Variants in SLC22A2 observed in about 807,000 individuals in gnomAD.
SLC22A2 encodes organic cation transporter 2.
A neutral mutation model predicts 60.5 loss-of-function variants in SLC22A2; 46 were observed. That is an observed-to-expected ratio of 0.76 (90% CI 0.60 to 0.97). SLC22A2 has a LOEUF of 0.97. Ranked by LOEUF, SLC22A2 falls within the 50% of genes least tolerant of loss-of-function variation. The probability of loss-of-function intolerance (pLI) is 0.00; values close to 1 mark genes in which losing one functional copy is unlikely to be tolerated. For synonymous variants in SLC22A2, 303 were observed against 267.0 expected (o/e 1.13, Z -1.31); for missense variants, 701 against 706.6 (o/e 0.99, Z 0.09).
At chr6:160,231,598 C>A (rs994891015) in intron 9 of SLC22A2, among the ~76,000 whole-genome samples, 4 of 151,904 alleles carry the variant, frequency 2.6e-5, no homozygotes, top group African/African-American at 9.7e-5. Context: ...CTTACCTGTC[C>A]TAAAACCAGA....
rs1273280934 is a variant in SLC22A2, at chr6:160,249,273, C to T, written c.785G>A (p.Trp262Ter). 6 of 1,613,130 alleles carry T rather than the reference C, an allele frequency of 3.7e-6. No individual in the cohort carries two copies. In the South Asian group the frequency reaches 4.4e-5, roughly 12 times the overall value. ...LAGVAYALPH[W>*]RWLQFTVSLP... ...AGAAACTGTGAACTGCAACCACCTC[C>T]AGTGAGGAAGTGCGTAAGCCACCCC... is the stretch of plus-strand genomic sequence containing the variant. The change falls in exon 4 of 11, where the codon TGG (tryptophan) becomes TAG (stop). Residue 262 changes from tryptophan (W) to a stop codon, truncating the protein, a stop_gained. Coordinates refer to ENST00000366953, the MANE Select transcript of SLC22A2 (RefSeq NM_003058.4). LOFTEE classifies it high-confidence loss of function.
rs1237311581 is a variant in SLC22A2 at position 160,250,540 on chromosome 6, A to G, written c.673+8T>C. ...TGTTCTCACAGTTGCAAGCACAAAC[A>G]TTCTTACTCAGGATGTAGCCTATTA... is the stretch of plus-strand genomic sequence containing the variant. On this transcript the variant is annotated splice_region_variant and intron_variant, in intron 3 of 10. Transcript: ENST00000366953. 1.9e-6 allele frequency: 3 copies of G among 1,613,962 alleles called. No individual in the cohort carries two copies. The highest frequency in any genetic ancestry group is 1.7e-6 in the Non-Finnish European group (2 of 1,179,856).
In SLC22A2 at chr6:160,216,816, C is replaced by G. The variant is rs974143122; in HGVS notation, c.*616G>C. The G allele has an allele frequency of 6.6e-6, 1 of 152,062 alleles. No homozygotes were observed. The highest frequency in any genetic ancestry group is 1.5e-5 in the Non-Finnish European group (1 of 68,018). The allele number at this position is 152,062 out of a possible 1,614,324, so 9.4% of individuals were successfully genotyped here. A position where few individuals can be genotyped will look rare whatever the true frequency, so the allele number is the denominator to read the frequency against. On this transcript the variant is annotated 3_prime_UTR_variant, in exon 11 of 11. Coordinates refer to ENST00000366953, the MANE Select transcript of SLC22A2 (RefSeq NM_003058.4). The stretch of plus-strand genomic sequence containing the variant: ...CTCAAGGTCTTTTGTAGAAAATACA[C>G]ATTCATGCTTACCCAATCTAAATAT...
At position 160,247,316 on chromosome 6, in the gene SLC22A2, C is replaced by T. The variant is rs529076568; in HGVS notation, c.843-18G>A. 4.1e-5 allele frequency: 53 copies of T among 1,302,890 alleles called. No homozygotes were observed. Among genetic ancestry groups the T allele is most frequent in the Admixed American group, 1.0e-4 (6 of 59,480 alleles). 80.7% of individuals were successfully genotyped at this position (1,302,890 alleles called of 1,614,324 possible). A position where few individuals can be genotyped will look rare whatever the true frequency, so the allele number is the denominator to read the frequency against. ...GTATGCACCTAGGGTACAAGGTGAG[C>T]GGAGGGCAACTCTTACTGAATCCTC... On this transcript the variant is annotated intron_variant, in intron 4 of 10. Coordinates refer to ENST00000366953, the MANE Select transcript of SLC22A2 (RefSeq NM_003058.4).
At chr6:160,241,885 A>G (rs1232244379) in intron 8 of SLC22A2, among the ~76,000 whole-genome samples, 1 of 151,946 alleles carries the variant, frequency 6.6e-6, no homozygotes, top group Admixed American at 6.6e-5. Context: ...TTTTATATAT[A>G]TATATATATA....
intron 2 of SLC22A2, among the ~76,000 whole-genome samples, chr6:160,253,695 A>G (rs1286051099): frequency 6.6e-6 from 1 of 152,164 alleles, no homozygotes; most frequent in Non-Finnish European, 1.5e-5. Flanking sequence ...TTTACAACTA[A>G]ATTATATTGA....
In SLC22A2 at chr6:160,256,667, T is replaced by C; in HGVS notation, c.465A>G (p.Ser155=). ...AGCCAATAAAGAATCCTACATTCACTGATGACTGGAATAGGTCCAACATCC... is the reference window on the plus strand; with the variant it reads ...AGCCAATAAAGAATCCTACATTCACCGATGACTGGAATAGGTCCAACATCC... The part of the protein sequence containing the change: ...NSWMLDLFQS[S]VNVGFFIGSM... The change falls in exon 2 of 11, where the codon TCA becomes TCG. Residue 155 remains serine (S), a synonymous_variant. Transcript: ENST00000366953. The C allele has an allele frequency of 6.2e-7, 1 of 1,614,132 alleles. No individual in the cohort carries two copies. Among genetic ancestry groups the C allele is most frequent in the Non-Finnish European group, 8.5e-7 (1 of 1,179,988 alleles).
At chr6:160,243,820 C>T (rs1290854088) in intron 6 of SLC22A2, 34 bp from the exon 7 acceptor site, 2 of 1,499,836 alleles carry the variant, frequency 1.3e-6, no homozygotes, top group South Asian at 2.3e-5. Flanking sequence ...TCAAGTCAAG[C>T]ACCAAACACA....
At chr6:160,245,911 A>G (rs997929627) in intron 5 of SLC22A2, among the ~76,000 whole-genome samples, 11 of 129,894 alleles carry the variant, frequency 8.5e-5, no homozygotes, top group African/African-American at 3.3e-4. Flanking sequence ...TCTATTGCCC[A>G]GGCTGGAGTG....
intron 9 of SLC22A2, among the ~76,000 whole-genome samples, chr6:160,240,015 G>T (rs921659546): frequency 4.6e-5 from 7 of 152,154 alleles, no homozygotes; most frequent in Admixed American, 4.6e-4. Flanking sequence ...GAAGTGGTGG[G>T]AGCTTCCCCT....
chr6:160,218,673 TAGTAAC>T (rs1562428421), intron 10 of SLC22A2, among the ~76,000 whole-genome samples: 1 of 554 alleles, frequency 1.8e-3, no homozygotes, highest in East Asian at 0.05. Flanking sequence ...GTAATAGCAA[TAGTAAC>T]AGTAACAGCA....
chr6:160,250,582 G>A lies in SLC22A2; in HGVS notation c.639C>T (p.Val213=). Residue 213 remains valine, a synonymous_variant, in exon 3 of 11, where the codon GTC becomes GTT. Transcript: ENST00000366953. The part of the protein sequence containing the change: ...MLIFRLIQGL[V]SKAGWLIGYI... ...AGCCTATTAACCAGCCTGCTTTGCT[G>A]ACCAGTCCTTGGATTAAGCGAAAAA... The A allele has an allele frequency of 6.2e-7, 1 of 1,614,100 alleles. No homozygotes were observed. Among genetic ancestry groups the A allele is most frequent in the Non-Finnish European group, 8.5e-7 (1 of 1,179,982 alleles).
Position 160,243,737 on chromosome 6 carries a change from C to A in SLC22A2, c.1114G>T (p.Ala372Ser). 6.2e-7 allele frequency: 1 copy of A among 1,613,996 alleles called. No individual in the cohort carries two copies. The highest frequency in any genetic ancestry group is 8.5e-7 in the Non-Finnish European group (1 of 1,179,918). ...YQGLIMHMGL[A>S]GDNIYLDFFY... ...AAATCCAGGTAGATATTGTCACCTG[C>A]AAGGCCCATGTGCATGATGAGGCCC... Residue 372 changes from alanine (A) to serine (S), a missense_variant, in exon 7 of 11, where the codon GCA becomes TCA. Ala to Ser is a moderately conservative substitution (Grantham distance 99, BLOSUM62 1). Coordinates refer to ENST00000366953, the MANE Select transcript of SLC22A2 (RefSeq NM_003058.4).
At chr6:160,255,163 C>G (rs2114872651) in intron 2 of SLC22A2, among the ~76,000 whole-genome samples, 1 of 152,302 alleles carries the variant, frequency 6.6e-6, no homozygotes, top group East Asian at 1.9e-4. Context: ...AAAAACCTTC[C>G]CTTTCACCTT....
chr6:160,230,408 T>C lies in SLC22A2; in HGVS notation c.1502-5604A>G, dbSNP rs183051990. On this transcript the variant is annotated intron_variant, in intron 9 of 10. Coordinates refer to ENST00000366953, the MANE Select transcript of SLC22A2 (RefSeq NM_003058.4). ...CATCAAATATAAAAACCCAGCCCGG[T>C]CCATGGCCCTTTTGGCAGCAACCCT... 1.1e-4 allele frequency among the ~76,000 whole-genome samples: 16 copies of C among 151,970 alleles called. No individual in the cohort carries two copies. In the East Asian group the frequency reaches 3.1e-3, roughly 29 times the overall value.
At chr6:160,219,519 T>C (rs1428895772) in intron 10 of SLC22A2, among the ~76,000 whole-genome samples, 1 of 151,640 alleles carries the variant, frequency 6.6e-6, no homozygotes, top group Non-Finnish European at 1.5e-5. Context: ...GGCCACAAAA[T>C]CTAGCTGCCA....
At chr6:160,232,395 C>T (rs1271751701) in intron 9 of SLC22A2, among the ~76,000 whole-genome samples, 1 of 151,834 alleles carries the variant, frequency 6.6e-6, no homozygotes, top group Admixed American at 6.6e-5. Context: ...TACCGCTCTG[C>T]CCCCCACTAT....
chr6:160,222,179 G>T (rs1033189280), intron 10 of SLC22A2, among the ~76,000 whole-genome samples: 1 of 152,168 alleles, frequency 6.6e-6, no homozygotes, highest in Non-Finnish European at 1.5e-5. Context: ...TAAGTTCACA[G>T]GTTATATTTG....
At chr6:160,229,650 C>T (rs963198321) in intron 9 of SLC22A2, among the ~76,000 whole-genome samples, 1 of 151,686 alleles carries the variant, frequency 6.6e-6, no homozygotes, top group African/African-American at 2.4e-5. Context: ...GGCAAGCACC[C>T]CCCACTCCTT....
Sources: gnomAD v4.1 joint callset for allele counts (sites outside exome capture counted in the v4.1 genomes callset) on GRCh38, gnomAD v4.1.1 for gene constraint, MANE v1.5 for transcripts, NCBI Gene and HGNC (gene_info 2026-07-23, HGNC 2026-07-21) for gene names.